PHKA2: variants seen among roughly 807,000 people sequenced by gnomAD.
PHKA2 encodes phosphorylase kinase regulatory subunit alpha 2.
In PHKA2, 31 loss-of-function variants were observed where a neutral mutation model predicts 102.0. The ratio of observed to expected loss-of-function variants is 0.30; its 90% CI spans 0.23 to 0.41. The LOEUF (loss-of-function observed/expected upper bound fraction) is 0.41. PHKA2 is among the 10% of genes least tolerant of loss of function. The pLI is 1.00. For synonymous variants in PHKA2, 455 were observed against 416.2 expected (o/e 1.09, Z -1.13); for missense variants, 858 against 1,023.1 (o/e 0.84, Z 2.20).
Position 18,893,202 on chromosome X carries a change from C to T in PHKA2, c.*283G>A, listed in dbSNP as rs1276623228. On this transcript the variant is annotated 3_prime_UTR_variant, in exon 33 of 33. Transcript: ENST00000379942. ...AAGAGACCAATTTCCAATTCCTCCT[C>T]AGAGTCCGTGAGACCAGATGCTACA... The T allele has an allele frequency of 2.6e-6, 1 of 384,926 alleles. No homozygotes were observed. Among genetic ancestry groups the T allele is most frequent in the African/African-American group, 2.5e-5 (1 of 39,326 alleles). The allele number at this position is 384,926 out of a possible 1,213,427, so 31.7% of individuals were successfully genotyped here. A position where few individuals can be genotyped will look rare whatever the true frequency, so the allele number is the denominator to read the frequency against.
At chrX:18,916,656 C>T (rs944940261) in intron 19 of PHKA2, among the ~76,000 whole-genome samples, 1 of 110,807 alleles carries the variant, frequency 9.0e-6, no homozygotes, top group African/African-American at 3.3e-5. Flanking sequence ...AAGTGTGTGA[C>T]CACTCTCTCT....
rs754241343 is a variant in PHKA2, at chrX:18,966,584, A to G, written c.79-12172T>C. Among the ~76,000 whole-genome samples, 9 of 112,306 alleles carry G rather than the reference A, an allele frequency of 8.0e-5. No individual in the cohort carries two copies. In the South Asian group the frequency reaches 3.3e-3, roughly 41 times the overall value. ...TTTCATCTGACACTAAATTATTTAA[A>G]CGCTGTCCAGAAAAGAGCAAAAGCC... On this transcript the variant is annotated intron_variant, in intron 1 of 32. Coordinates refer to ENST00000379942, the MANE Select transcript of PHKA2 (RefSeq NM_000292.3).
At chrX:18,893,676 G>A (rs763111073) in intron 32 of PHKA2, 21 bp from the exon 33 acceptor site, 11 of 1,198,849 alleles carry the variant, frequency 9.2e-6, no homozygotes, top group Non-Finnish European at 1.2e-5. Flanking sequence ...AAAGGGCAGA[G>A]GGGACAATAA....
intron 26 of PHKA2, among the ~76,000 whole-genome samples, chrX:18,905,496 G>A (rs2047792649): frequency 9.0e-6 from 1 of 110,805 alleles, no homozygotes; most frequent in Non-Finnish European, 1.9e-5. Flanking sequence ...GTAAGTGATG[G>A]TGCCAGGTGC....
chrX:18,918,389 A>C (rs1180644238), intron 19 of PHKA2, among the ~76,000 whole-genome samples: 5 of 112,502 alleles, frequency 4.4e-5, no homozygotes, highest in Non-Finnish European at 9.4e-5. Context: ...AGTGAAGCAG[A>C]GGAGTGGTGA....
chrX:18,899,113 G>C (rs1442615331), intron 29 of PHKA2, 60 bp downstream of exon 29: 1 of 986,968 alleles, frequency 1.0e-6, no homozygotes, highest in Non-Finnish European at 1.4e-6. Context: ...TGAGGTGGGA[G>C]CATGAGGAAG....
intron 26 of PHKA2, among the ~76,000 whole-genome samples, chrX:18,903,320 G>A (rs189253968): frequency 8.9e-6 from 1 of 112,356 alleles, no homozygotes; most frequent in African/African-American, 3.2e-5. Flanking sequence ...TAAAGGGTTC[G>A]TCATGACTAA....
intron 30 of PHKA2, chrX:18,896,645 C>T (rs750530132): frequency 6.7e-4 from 112 of 167,371 alleles, no homozygotes; most frequent in African/African-American, 3.1e-3. Flanking sequence ...CCTGGATGTG[C>T]GGGAGGCTGG....
At position 18,929,282 on chromosome X, in the gene PHKA2, C is replaced by T. The variant is rs902001261; in HGVS notation, c.1270G>A (p.Asp424Asn). Reference protein sequence around the residue: ...AEGFLAAGEIDPLNRRFSTSV... With the variant: ...AEGFLAAGEINPLNRRFSTSV... ...GTGGAAAATCTTCTATTTAAGGGATCGATTTCACCAGCGGCAAGGAATCCC... is the reference window on the plus strand; with the variant it reads ...GTGGAAAATCTTCTATTTAAGGGATTGATTTCACCAGCGGCAAGGAATCCC... Residue 424 changes from aspartate to asparagine, a missense_variant, in exon 13 of 33, where the codon GAT becomes AAT. Asp to Asn is a conservative substitution (Grantham distance 23). Coordinates refer to ENST00000379942, the MANE Select transcript of PHKA2 (RefSeq NM_000292.3). 5.1e-6 allele frequency: 6 copies of T among 1,166,501 alleles called. No individual in the cohort carries two copies. In the African/African-American group the frequency reaches 7.1e-5, roughly 14 times the overall value.
At position 18,948,814 on chromosome X, in the gene PHKA2, A is replaced by G; in HGVS notation, c.467T>C (p.Ile156Thr). 1 of 1,177,685 alleles carries G rather than the reference A, an allele frequency of 8.5e-7. No homozygotes were observed. The highest frequency in any genetic ancestry group is 1.2e-6 in the Non-Finnish European group (1 of 865,773). ...AQMTASGLRIIFTLDEVAFIQ... is the reference protein window; with the variant it reads ...AQMTASGLRITFTLDEVAFIQ... ...GAAGGCCACCTCATCGAGAGTGAAAATGATACGTAAGCCTAGCAAAGAAAA... is the reference window on the plus strand; with the variant it reads ...GAAGGCCACCTCATCGAGAGTGAAAGTGATACGTAAGCCTAGCAAAGAAAA... The change falls in exon 5 of 33, where the codon ATT becomes ACT. Residue 156 changes from isoleucine to threonine, a missense_variant. Physicochemically the swap from Ile to Thr is moderately conservative, Grantham distance 89. This residue lies in a region of PHKA2 where 187 missense variants were observed against 277.9 expected (regional missense o/e 0.67). Coordinates refer to ENST00000379942, the MANE Select transcript of PHKA2 (RefSeq NM_000292.3).
At chrX:18,976,203 G>A (rs911839920) in intron 1 of PHKA2, among the ~76,000 whole-genome samples, 6 of 110,556 alleles carry the variant, frequency 5.4e-5, no homozygotes, top group African/African-American at 2.0e-4. Flanking sequence ...TCAAACTCCT[G>A]ACCTGAGGTG....
chrX:18,951,059 G>C, intron 4 of PHKA2, 45 bp downstream of exon 4: 1 of 1,186,290 alleles, frequency 8.4e-7, no homozygotes. Context: ...CCCCTTTTCC[G>C]GATTGTCACT....
intron 1 of PHKA2, among the ~76,000 whole-genome samples, chrX:18,970,270 GT>G (rs2049002845): frequency 8.9e-6 from 1 of 112,198 alleles, no homozygotes; most frequent in Non-Finnish European, 1.9e-5. Flanking sequence ...TATACAACAT[GT>G]TTTGAAATGT....
intron 1 of PHKA2, among the ~76,000 whole-genome samples, chrX:18,956,250 G>A (rs1470149945): frequency 8.9e-6 from 1 of 111,892 alleles, no homozygotes; most frequent in African/African-American, 3.3e-5. Flanking sequence ...CTTGAACCCA[G>A]GAGGCAGAGA....
intron 1 of PHKA2, among the ~76,000 whole-genome samples, chrX:18,962,284 G>A (rs2048881821): frequency 9.0e-6 from 1 of 111,308 alleles, no homozygotes; most frequent in African/African-American, 3.3e-5. Flanking sequence ...GGCATGGAGG[G>A]GCAGGTAAGG....
chrX:18,894,953 T>C, intron 31 of PHKA2, 185 bp downstream of exon 31: 1 of 498,322 alleles, frequency 2.0e-6, no homozygotes, highest in Non-Finnish European at 3.6e-6. Context: ...AAAAGGCTGA[T>C]GCCAATAAAT....
rs1317852434 is a variant in PHKA2, at chrX:18,893,179, G to A, written c.*306C>T. The A allele has an allele frequency of 2.2e-5, 8 of 358,384 alleles. No homozygotes were observed. The highest frequency in any genetic ancestry group is 1.8e-4 in the Admixed American group (4 of 22,467). 29.5% of individuals were successfully genotyped at this position (358,384 alleles called of 1,213,427 possible). ...GTCTCAGTTCCCTCTGCACTCAAAA[G>A]AGACCAATTTCCAATTCCTCCTCAG... On this transcript the variant is annotated 3_prime_UTR_variant, in exon 33 of 33. Transcript: ENST00000379942.
In PHKA2 at chrX:18,893,128, C is replaced by G; in HGVS notation, c.*357G>C. 1 of 277,446 alleles carries G rather than the reference C, an allele frequency of 3.6e-6. No homozygotes were observed. Among genetic ancestry groups the G allele is most frequent in the Non-Finnish European group, 6.6e-6 (1 of 152,137 alleles). 22.9% of individuals were successfully genotyped at this position (277,446 alleles called of 1,213,427 possible). ...GCTCATCGAAACTATTTCTGTAACT[C>G]TCTGCAAGAGCCAATTTAAGCTGGC... On this transcript the variant is annotated 3_prime_UTR_variant, in exon 33 of 33. Coordinates refer to ENST00000379942, the MANE Select transcript of PHKA2 (RefSeq NM_000292.3).
chrX:18,900,552 G>A (rs755183146), intron 28 of PHKA2, 118 bp downstream of exon 28: 14 of 661,811 alleles, frequency 2.1e-5, no homozygotes, highest in South Asian at 4.4e-5. Flanking sequence ...GCCCCAGCCC[G>A]TTTGCTGGAT....
Sources: gnomAD v4.1 joint callset for allele counts (sites outside exome capture counted in the v4.1 genomes callset) on GRCh38, gnomAD v4.1.1 for gene constraint, gnomAD v4.1.1 regional missense constraint, MANE v1.5 for transcripts, NCBI Gene and HGNC (gene_info 2026-07-23, HGNC 2026-07-21) for gene names.